MIR2052HG: variants seen among roughly 807,000 people sequenced by gnomAD.
MIR2052HG encodes the protein MIR2052 host gene.
intron 1 of MIR2052HG, among the ~76,000 whole-genome samples, chr8:74,610,493 C>T (rs956045387): frequency 2.0e-5 from 3 of 151,528 alleles, no homozygotes; most frequent in Non-Finnish European, 4.4e-5. Flanking sequence ...TAGAAATTGA[C>T]ATGCTCATTC....
chr8:74,634,538 ATCGTTT>A (rs1192929191), intron 2 of MIR2052HG, among the ~76,000 whole-genome samples: 2 of 152,084 alleles, frequency 1.3e-5, no homozygotes, highest in African/African-American at 4.8e-5. Context: ...GAGTTTTACT[ATCGTTT>A]TCAAGTAGCA....
At chr8:74,649,239 C>T (rs1296570003) in intron 2 of MIR2052HG, among the ~76,000 whole-genome samples, 3 of 152,058 alleles carry the variant, frequency 2.0e-5, no homozygotes, top group Non-Finnish European at 2.9e-5. Context: ...GTGTCTTGAA[C>T]CACTTTATAG....
rs564922196 is a variant in MIR2052HG, at chr8:74,727,814, C to G, written n.371+24132C>G. Among the ~76,000 whole-genome samples the G allele has an allele frequency of 5.3e-5, 8 of 152,262 alleles. No individual in the cohort carries two copies. The South Asian group carries it at 1.7e-3, about 32-fold the overall frequency. ...TTTGGATTATTTTCTTGTCATGATT[C>G]TTGGGTGTGGTGACACTTGTTGGCT... On this transcript the variant is annotated intron_variant and non_coding_transcript_variant, in intron 4 of 6. Coordinates refer to ENST00000523442, the Ensembl canonical transcript of MIR2052HG.
intron 2 of MIR2052HG, among the ~76,000 whole-genome samples, chr8:74,655,255 A>G (rs1808792625): frequency 6.6e-6 from 1 of 152,228 alleles, no homozygotes; most frequent in South Asian, 2.1e-4. Context: ...GGAGAAAATC[A>G]AGCTGGCTGC....
chr8:74,694,405 T>G (rs1299168192), intron 2 of MIR2052HG, among the ~76,000 whole-genome samples: 1 of 152,102 alleles, frequency 6.6e-6, no homozygotes, highest in African/African-American at 2.4e-5. Context: ...TCTACCCAAG[T>G]GAGAAGGAAC....
intron 4 of MIR2052HG, among the ~76,000 whole-genome samples, chr8:74,728,058 G>C (rs1809655042): frequency 6.6e-6 from 1 of 152,208 alleles, no homozygotes; most frequent in Non-Finnish European, 1.5e-5. Context: ...ATAGGCAATG[G>C]AAAGTTGTCT....
chr8:74,599,761 G>T (rs7001945), upstream of MIR2052HG: 1 of 150,108 alleles, frequency 6.7e-6, no homozygotes, highest in East Asian at 2.0e-4. Flanking sequence ...CCACCCAGTT[G>T]GAGCTTTCCG....
At chr8:74,645,125 G>A (rs1563521650) in intron 2 of MIR2052HG, among the ~76,000 whole-genome samples, 1 of 152,080 alleles carries the variant, frequency 6.6e-6, no homozygotes, top group South Asian at 2.1e-4. Flanking sequence ...AAGAAGAAAT[G>A]TACTATGGGG....
At position 74,612,822 on chromosome 8, in the gene MIR2052HG, G is replaced by A. The variant is rs577978575; in HGVS notation, n.129-31G>A. 23 of 453,410 alleles carry A rather than the reference G, an allele frequency of 5.1e-5. 1 individual carries two copies. The highest frequency in any genetic ancestry group is 6.6e-4 in the Middle Eastern group (2 of 3,052). 28.1% of individuals were successfully genotyped at this position (453,410 alleles called of 1,614,324 possible). On this transcript the variant is annotated intron_variant and non_coding_transcript_variant, in intron 1 of 6. Transcript: ENST00000523442. ...AGAAGCAGGAAAAATAATCTAATAC[G>A]TATCTATTAAACAAAAATGTTTTTC...
intron 1 of MIR2052HG, among the ~76,000 whole-genome samples, chr8:74,612,000 C>T (rs550809184): frequency 2.6e-5 from 4 of 152,312 alleles, no homozygotes; most frequent in East Asian, 1.9e-4. Flanking sequence ...GCTCATCCCC[C>T]GAAGCTCAGG....
At chr8:74,691,583 C>G (rs772635407) in intron 2 of MIR2052HG, among the ~76,000 whole-genome samples, 2 of 152,178 alleles carry the variant, frequency 1.3e-5, no homozygotes, top group Non-Finnish European at 2.9e-5. Context: ...AATGTTTAAA[C>G]TTAGATGAGC....
chr8:74,658,667 GA>G (rs1808832016), intron 2 of MIR2052HG, among the ~76,000 whole-genome samples: 1 of 152,200 alleles, frequency 6.6e-6, no homozygotes, highest in African/African-American at 2.4e-5. Context: ...TTACAAGTGT[GA>G]ACCACTGTGC....
intron 1 of MIR2052HG, chr8:74,603,278 C>G: frequency 6.5e-7 from 1 of 1,539,946 alleles, no homozygotes. Context: ...GTGGATAAAT[C>G]TGCATTGTTC....
intron 4 of MIR2052HG, among the ~76,000 whole-genome samples, chr8:74,737,714 T>G (rs1272976158): frequency 6.6e-6 from 1 of 152,194 alleles, no homozygotes; most frequent in Non-Finnish European, 1.5e-5. Flanking sequence ...TGCTCAGATT[T>G]TGTGCTCACA....
chr8:74,647,433 G>T (rs893126628), intron 2 of MIR2052HG, among the ~76,000 whole-genome samples: 2 of 152,136 alleles, frequency 1.3e-5, no homozygotes, highest in African/African-American at 2.4e-5. Flanking sequence ...CAAATGCAAA[G>T]CATTGCAATT....
At chr8:74,612,425 G>C (rs530570875) in intron 1 of MIR2052HG, 1 of 161,344 alleles carries the variant, frequency 6.2e-6, no homozygotes, top group East Asian at 1.8e-4. Context: ...AGGTAAAAGA[G>C]CCAGGATTTT....
intron 2 of MIR2052HG, among the ~76,000 whole-genome samples, chr8:74,674,701 T>C (rs1049491524): frequency 5.3e-5 from 8 of 151,910 alleles, no homozygotes; most frequent in African/African-American, 1.2e-4. Flanking sequence ...CTAAAACGTA[T>C]CTTAGACCAT....
Position 74,667,059 on chromosome 8 carries a change from G to C in MIR2052HG, n.217-35320G>C, listed in dbSNP as rs180794320. Among the ~76,000 whole-genome samples the C allele has an allele frequency of 3.3e-4, 50 of 152,302 alleles. 1 individual carries two copies. The East Asian group carries it at 9.1e-3, about 28-fold the overall frequency. On this transcript the variant is annotated intron_variant and non_coding_transcript_variant, in intron 2 of 6. Transcript: ENST00000523442. ...CTGCTCACGTGACTGCTGAGGAGCC[G>C]CAAAAGCTCATGCAAGAGGGATAAA...
At chr8:74,710,338 A>T (rs1401388048) in intron 4 of MIR2052HG, among the ~76,000 whole-genome samples, 1 of 152,132 alleles carries the variant, frequency 6.6e-6, no homozygotes, top group Non-Finnish European at 1.5e-5. Context: ...ATGCTTTATT[A>T]GTCCTTTTGT....
Sources: gnomAD v4.1 joint callset for allele counts (sites outside exome capture counted in the v4.1 genomes callset) on GRCh38, gnomAD v4.1.1 for gene constraint, MANE v1.5 for transcripts, NCBI Gene and HGNC (gene_info 2026-07-23, HGNC 2026-07-21) for gene names.